RPL8: variants seen among roughly 807,000 people sequenced by gnomAD.
RPL8 encodes large ribosomal subunit protein uL2.
For synonymous variants in RPL8, 182 were observed against 143.2 expected, an observed-to-expected ratio of 1.27 and a Z score of -1.94; for missense variants, 248 against 365.9, an observed-to-expected ratio of 0.68 and a Z score of 2.63.
Position 144,791,983 on chromosome 8 carries a change from G to A in RPL8, c.138+9C>T, listed in dbSNP as rs370097454. ...CCCTTCCCCTCCCGCCCCGGCCAGC[G>A]TTCCGCACCTTGACGATGCCCTTGA... On this transcript the variant is annotated intron_variant, in intron 1 of 4. Transcript: ENST00000528957. The A allele has an allele frequency of 5.6e-6, 9 of 1,608,868 alleles. No individual in the cohort carries two copies. The highest frequency in any genetic ancestry group is 5.3e-5 in the African/African-American group (4 of 74,890).
chr8:144,790,581 A>G, intron 3 of RPL8, 111 bp from the exon 4 acceptor site: 1 of 841,610 alleles, frequency 1.2e-6, no homozygotes. Flanking sequence ...ACCCAGCAAA[A>G]AGCCCACTCG....
chr8:144,792,214 C>A lies in RPL8; in HGVS notation c.-85G>T. On this transcript the variant is annotated 5_prime_UTR_variant, in exon 1 of 5. Coordinates refer to ENST00000528957, the MANE Select transcript of RPL8 (RefSeq NM_001317782.2). Reference sequence around the variant, plus strand: ...CCAGCCCGGCTTTCCGGGACCCCGCCCCCGAGGCCGCCGCGCCCACCACTC... The same window carrying A: ...CCAGCCCGGCTTTCCGGGACCCCGCACCCGAGGCCGCCGCGCCCACCACTC... 1.4e-6 allele frequency: 2 copies of A among 1,392,236 alleles called. No homozygotes were observed. Among genetic ancestry groups the A allele is most frequent in the Non-Finnish European group, 1.9e-6 (2 of 1,080,192 alleles). The allele number at this position is 1,392,236 out of a possible 1,614,324, so 86.2% of individuals were successfully genotyped here. A position where few individuals can be genotyped will look rare whatever the true frequency, so the allele number is the denominator to read the frequency against.
chr8:144,791,107 G>A (rs1826495463), intron 3 of RPL8, 170 bp downstream of exon 3: 1 of 647,264 alleles, frequency 1.5e-6, no homozygotes, highest in Non-Finnish European at 2.7e-6. Context: ...TGTGCCTGTT[G>A]TACAGTGATG....
At position 144,791,356 on chromosome 8, in the gene RPL8, G is replaced by C. The variant is rs756434599; in HGVS notation, c.420C>G (p.Asn140Lys). The change falls in exon 3 of 5, where the codon AAC becomes AAG. Residue 140 changes from asparagine (N) to lysine (K), a missense_variant. By Grantham distance (94) the Asn-to-Lys change is moderately conservative. Coordinates refer to ENST00000528957, the MANE Select transcript of RPL8 (RefSeq NM_001317782.2). Reference protein sequence around the residue: ...SGNYATVISHNPETKKTRVKL... With the variant: ...SGNYATVISHKPETKKTRVKL... ...TCACACGGGTCTTCTTGGTCTCAGG[G>C]TTGTGGGAGATAACGGTGGCATAGT... The C allele has an allele frequency of 6.2e-7, 1 of 1,613,580 alleles. No homozygotes were observed. Among genetic ancestry groups the C allele is most frequent in the Non-Finnish European group, 8.5e-7 (1 of 1,180,014 alleles).
At chr8:144,791,567 C>A in intron 2 of RPL8, 72 bp from the exon 3 acceptor site, 1 of 1,529,580 alleles carries the variant, frequency 6.5e-7, no homozygotes, top group South Asian at 1.2e-5. Context: ...CTAGGCAACC[C>A]GCGAAGTTGC....
chr8:144,790,207 C>G lies in RPL8; in HGVS notation c.615+148G>C. On this transcript the variant is annotated intron_variant, in intron 4 of 4. Coordinates refer to ENST00000528957, the MANE Select transcript of RPL8 (RefSeq NM_001317782.2). Reference sequence around the variant, plus strand: ...TCCTTCAGGAGTGCTGGAGCAGGATCAACAGTCCCGTGACTACAAACCACC... The same window carrying G: ...TCCTTCAGGAGTGCTGGAGCAGGATGAACAGTCCCGTGACTACAAACCACC... 5 of 762,502 alleles carry G rather than the reference C, an allele frequency of 6.6e-6. No homozygotes were observed. The South Asian group carries it at 8.5e-5, about 13-fold the overall frequency. 47.2% of individuals were successfully genotyped at this position (762,502 alleles called of 1,614,324 possible). A position where few individuals can be genotyped will look rare whatever the true frequency, so the allele number is the denominator to read the frequency against.
intron 4 of RPL8, 100 bp downstream of exon 4, chr8:144,790,255 G>T: frequency 1.0e-6 from 1 of 1,002,292 alleles, no homozygotes; most frequent in Non-Finnish European, 1.5e-6. Context: ...TCCCACCGTA[G>T]ATCCCCCTCC....
chr8:144,791,850 C>A lies in RPL8; in HGVS notation c.203G>T (p.Arg68Leu). The stretch of plus-strand genomic sequence containing the variant: ...GAACAGCTCCGTCCGCTTCTTAAAC[C>A]GATACGGATCCCGGAAGACCACCTT... ...LAKVVFRDPY[R>L]FKKRTELFIA... Residue 68 changes from arginine (R) to leucine (L), a missense_variant, in exon 2 of 5, where the codon CGG (arginine) becomes CTG (leucine). By Grantham distance (102) the Arg-to-Leu change is moderately radical. Transcript: ENST00000528957. 1 of 1,613,884 alleles carries A rather than the reference C, an allele frequency of 6.2e-7. No individual in the cohort carries two copies. The highest frequency in any genetic ancestry group is 8.5e-7 in the Non-Finnish European group (1 of 1,180,030).
Position 144,791,809 on chromosome 8 carries a change from T to C in RPL8, c.244A>G (p.Ile82Val), listed in dbSNP as rs762022373. The C allele has an allele frequency of 1.9e-6, 3 of 1,613,874 alleles. No homozygotes were observed. Among genetic ancestry groups the C allele is most frequent in the East Asian group, 4.5e-5 (2 of 44,858 alleles). Residue 82 changes from isoleucine (I) to valine (V), a missense_variant, in exon 2 of 5, where the codon ATT becomes GTT. By Grantham distance (29) the Ile-to-Val change is conservative. Coordinates refer to ENST00000528957, the MANE Select transcript of RPL8 (RefSeq NM_001317782.2). ...CAATACACAAACTGGCCCGTGTGAA[T>C]GCCCTCGGCGGCAATGAACAGCTCC... ...RTELFIAAEG[I>V]HTGQFVYCGK...
rs1239784571 is a variant in RPL8, at chr8:144,792,123, G to A, written c.7C>T (p.Arg3Cys). 3 of 1,533,466 alleles carry A rather than the reference G, an allele frequency of 2.0e-6. No homozygotes were observed. Among genetic ancestry groups the A allele is most frequent in the African/African-American group, 1.4e-5 (1 of 71,438 alleles). 95.0% of individuals were successfully genotyped at this position (1,533,466 alleles called of 1,614,324 possible). ...CCCTTCCTCTGTCCACGGATCACACGGCCCATGGCGACGGGTCCTGGGGGC... is the reference window on the plus strand; with the variant it reads ...CCCTTCCTCTGTCCACGGATCACACAGCCCATGGCGACGGGTCCTGGGGGC... MG[R>C]VIRGQRKGAG... The change falls in exon 1 of 5, where the codon CGT (arginine) becomes TGT (cysteine). Residue 3 changes from arginine to cysteine, a missense_variant. Coordinates refer to ENST00000528957, the MANE Select transcript of RPL8 (RefSeq NM_001317782.2).
rs764923241 is a variant in RPL8, at chr8:144,792,370, T to C, written c.-241A>G. On this transcript the variant is annotated 5_prime_UTR_variant, in exon 1 of 5. Coordinates refer to ENST00000528957, the MANE Select transcript of RPL8 (RefSeq NM_001317782.2). Reference sequence around the variant, plus strand: ...AAGGCCGCAAGGATGACCTACCTGTTCACCAGCGCGGCCGAAAGAGGAAAC... The same window carrying C: ...AAGGCCGCAAGGATGACCTACCTGTCCACCAGCGCGGCCGAAAGAGGAAAC... 9 of 653,258 alleles carry C rather than the reference T, an allele frequency of 1.4e-5. No homozygotes were observed. Among genetic ancestry groups the C allele is most frequent in the Non-Finnish European group, 2.0e-5 (9 of 457,532 alleles). The allele number at this position is 653,258 out of a possible 1,614,324, so 40.5% of individuals were successfully genotyped here. A position where few individuals can be genotyped will look rare whatever the true frequency, so the allele number is the denominator to read the frequency against.
intron 3 of RPL8, 170 bp downstream of exon 3, chr8:144,791,106 TG>T: frequency 1.6e-6 from 1 of 643,760 alleles, no homozygotes. Context: ...TTGTGCCTGT[TG>T]TACAGTGATG....
intron 2 of RPL8, 64 bp from the exon 3 acceptor site, chr8:144,791,559 A>G: frequency 6.4e-7 from 1 of 1,555,668 alleles, no homozygotes; most frequent in Non-Finnish European, 8.8e-7. Context: ...CCCTCGCTCT[A>G]GGCAACCCGC....
At chr8:144,791,108 T>C in intron 3 of RPL8, 169 bp downstream of exon 3, 3 of 648,988 alleles carry the variant, frequency 4.6e-6, no homozygotes, top group South Asian at 1.8e-5. Flanking sequence ...GTGCCTGTTG[T>C]ACAGTGATGA....
In RPL8 at chr8:144,791,435, C is replaced by T; in HGVS notation, c.341G>A (p.Cys114Tyr). The change falls in exon 3 of 5, where the codon TGC becomes TAC. Residue 114 changes from cysteine (C) to tyrosine (Y), a missense_variant. Physicochemically the swap from Cys to Tyr is radical, Grantham distance 194. Transcript: ENST00000528957. ...VGTMPEGTIVCCLEEKPGDRG... is the reference protein window; with the variant it reads ...VGTMPEGTIVYCLEEKPGDRG... ...GTCTCCAGGCTTCTCCTCCAGGCAG[C>T]ACACGATTGTACCCTCAGGCATGGT... 1 of 1,614,014 alleles carries T rather than the reference C, an allele frequency of 6.2e-7. No homozygotes were observed. The highest frequency in any genetic ancestry group is 8.5e-7 in the Non-Finnish European group (1 of 1,180,034).
intron 3 of RPL8, 184 bp from the exon 4 acceptor site, chr8:144,790,654 G>A (rs1205746060): frequency 4.3e-6 from 3 of 691,886 alleles, no homozygotes; most frequent in African/African-American, 1.8e-5. Context: ...AATCCACAAT[G>A]GGCAGGCAAG....
At position 144,791,760 on chromosome 8, in the gene RPL8, C is replaced by T. The variant is rs1473406098; in HGVS notation, c.280+13G>A. 1.2e-6 allele frequency: 2 copies of T among 1,613,304 alleles called. No individual in the cohort carries two copies. The highest frequency in any genetic ancestry group is 1.1e-5 in the South Asian group (1 of 91,048). ...TCCCCACCCCGACCTTCCTTCCCCGCCGCGATGCTAACCCTTCTTGCCGCA... is the reference window on the plus strand; with the variant it reads ...TCCCCACCCCGACCTTCCTTCCCCGTCGCGATGCTAACCCTTCTTGCCGCA... On this transcript the variant is annotated intron_variant, in intron 2 of 4. Coordinates refer to ENST00000528957, the MANE Select transcript of RPL8 (RefSeq NM_001317782.2).
chr8:144,791,518 G>A lies in RPL8; in HGVS notation c.281-23C>T, dbSNP rs142194568. 5,430 of 1,610,024 alleles carry A rather than the reference G, an allele frequency of 3.4e-3. 20 individuals are homozygous for A. Among genetic ancestry groups the A allele is most frequent in the Non-Finnish European group, 4.2e-3 (4,900 of 1,177,978 alleles). ...GGGCTGCAAGGGGAAGCAGCATCAG[G>A]CCGTCAGCACAGTAAGAAACAATGC... is the stretch of plus-strand genomic sequence containing the variant. On this transcript the variant is annotated intron_variant, in intron 2 of 4. Coordinates refer to ENST00000528957, the MANE Select transcript of RPL8 (RefSeq NM_001317782.2).
chr8:144,790,295 T>C, intron 4 of RPL8, 60 bp downstream of exon 4: 1 of 1,410,636 alleles, frequency 7.1e-7, no homozygotes, highest in South Asian at 1.2e-5. Context: ...GGGACTTGCC[T>C]ACCCAACAGT....
Sources: gnomAD v4.1 joint callset for allele counts on GRCh38, gnomAD v4.1.1 for gene constraint, MANE v1.5 for transcripts, NCBI Gene and HGNC (gene_info 2026-07-23, HGNC 2026-07-21) for gene names.